The following ABCA1 variants were observed in gnomAD, a reference collection of about 807,000 sequenced individuals.
ABCA1 encodes phospholipid-transporting ATPase ABCA1.
ABCA1 carries 133 observed loss-of-function variants against 262.5 expected under a neutral mutation model. The observed-to-expected ratio is 0.51, with a 90% confidence interval of 0.44 to 0.59. The LOEUF is 0.59. Among genes scored for constraint, ABCA1 ranks in the 20% least tolerant of loss-of-function variants. ABCA1 has a pLI of 0.00. For missense variants in ABCA1, 2,452 were observed against 2,777.5 expected (o/e 0.88, Z 2.63); for synonymous variants, 1,022 against 1,043.5 (o/e 0.98, Z 0.40).
intron 1 of ABCA1, among the ~76,000 whole-genome samples, chr9:104,909,343 G>C (rs1194804232): frequency 6.6e-6 from 1 of 152,126 alleles, no homozygotes; most frequent in African/African-American, 2.4e-5. Context: ...ACAAATAATA[G>C]TGGGTTGTTC....
At chr9:104,849,878 G>A (rs966991021) in intron 7 of ABCA1, among the ~76,000 whole-genome samples, 1 of 152,102 alleles carries the variant, frequency 6.6e-6, no homozygotes, top group African/African-American at 2.4e-5. Context: ...TGAAGTGGCA[G>A]GCCAATATGC....
In ABCA1 at chr9:104,822,643, T is replaced by A. The variant is rs1200755370; in HGVS notation, c.2681A>T (p.His894Leu). Residue 894 changes from histidine (H) to leucine (L), a missense_variant, in exon 19 of 50, where the codon CAC (histidine) becomes CTC (leucine). Transcript: ENST00000374736. ...CTGAATGGACACGCCCAGCTTCAAG[T>A]GGGTGGGTTCCTCCTCCATGCAGAC... is the stretch of plus-strand genomic sequence containing the variant. ...SEICMEEEPTHLKLGVSIQNL... is the reference protein window; with the variant it reads ...SEICMEEEPTLLKLGVSIQNL... The A allele has an allele frequency of 6.2e-7, 1 of 1,614,080 alleles. No homozygotes were observed. The highest frequency in any genetic ancestry group is 8.5e-7 in the Non-Finnish European group (1 of 1,180,012).
At chr9:104,885,224 G>A (rs559756808) in intron 3 of ABCA1, among the ~76,000 whole-genome samples, 4 of 152,220 alleles carry the variant, frequency 2.6e-5, no homozygotes, top group African/African-American at 9.6e-5. Flanking sequence ...CGACAAGAGC[G>A]AAACTCCATT....
In ABCA1 at chr9:104,792,909, T is replaced by TG. The variant is rs143321497; in HGVS notation, c.5637-4dup. 1 of 1,614,002 alleles carries TG rather than the reference T, an allele frequency of 6.2e-7. No individual in the cohort carries two copies. Among genetic ancestry groups the TG allele is most frequent in the Non-Finnish European group, 8.5e-7 (1 of 1,179,980 alleles). Reference sequence around the variant, plus strand: ...GAGATAGCTTTGCATTTACAGGTCTTGGGGGAAAAAACAAGAAAAATGAAC... The same window carrying TG: ...GAGATAGCTTTGCATTTACAGGTCTTGGGGGGAAAAAACAAGAAAAATGAAC... On this transcript the variant is annotated splice_region_variant and splice_polypyrimidine_tract_variant and intron_variant, in intron 41 of 49. Transcript: ENST00000374736.
At chr9:104,909,607 TACACACACACACACACACACACAC>T (rs59524252) in intron 1 of ABCA1, among the ~76,000 whole-genome samples, 3 of 133,954 alleles carry the variant, frequency 2.2e-5, no homozygotes, top group Non-Finnish European at 4.8e-5. Context: ...GCAAAAGAAA[TACACACACACACACACACACACAC>T]ACACACACAC....
chr9:104,801,929 G>A (rs184913223), intron 34 of ABCA1, 125 bp downstream of exon 34: 9 of 876,978 alleles, frequency 1.0e-5, no homozygotes, highest in Admixed American at 5.9e-5. Flanking sequence ...TGCCAAAGAC[G>A]GCTCTGTATG....
At chr9:104,824,820 ACTGAGGGATAAGGAGCCTAT>A (rs1218683270) in intron 17 of ABCA1, among the ~76,000 whole-genome samples, 1 of 152,208 alleles carries the variant, frequency 6.6e-6, no homozygotes, top group African/African-American at 2.4e-5. Context: ...AGATGAGGAA[ACTGAGGGATAAGGAGCCTAT>A]CCAAGGTCCC....
intron 41 of ABCA1, 59 bp from the exon 42 acceptor site, chr9:104,792,965 A>C (rs561839653): frequency 1.2e-6 from 2 of 1,611,562 alleles, no homozygotes; most frequent in Admixed American, 3.3e-5. Flanking sequence ...ACAAAGATTC[A>C]GTCTCTAACG....
At chr9:104,820,185 A>G in intron 20 of ABCA1, 116 bp from the exon 21 acceptor site, 1 of 1,321,824 alleles carries the variant, frequency 7.6e-7, no homozygotes, top group South Asian at 1.2e-5. Flanking sequence ...GCTTTTTAAA[A>G]TAACTTTATC....
At chr9:104,904,203 A>G (rs1324726899) in intron 1 of ABCA1, among the ~76,000 whole-genome samples, 1 of 152,158 alleles carries the variant, frequency 6.6e-6, no homozygotes, top group African/African-American at 2.4e-5. Context: ...GCCTGGAGTG[A>G]CTTATACTAT....
intron 47 of ABCA1, 141 bp from the exon 48 acceptor site, chr9:104,786,531 C>A: frequency 1.3e-6 from 1 of 792,216 alleles, no homozygotes; most frequent in Non-Finnish European, 2.2e-6. Flanking sequence ...TGATGCTGTT[C>A]AGTGTAGTGG....
At chr9:104,867,248 G>A (rs570810474) in intron 5 of ABCA1, among the ~76,000 whole-genome samples, 1 of 152,306 alleles carries the variant, frequency 6.6e-6, no homozygotes, top group East Asian at 1.9e-4. Context: ...GAGGAAGGCT[G>A]AGTTGATTAA....
chr9:104,856,056 C>T, intron 7 of ABCA1: 3 of 1,608,836 alleles, frequency 1.9e-6, no homozygotes, highest in Non-Finnish European at 1.7e-6. Context: ...CAGTTAACTG[C>T]CCATGTGCAA....
Position 104,829,075 on chromosome 9 carries a change from C to T in ABCA1, c.1956G>A (p.Val652=), listed in dbSNP as rs1264804548. ...ACACGATGCCCTTGATGATCACAGC[C>T]ACTGAGTAAATCCAGGCCAGCGTCA... ...LFMTLAWIYS[V]AVIIKGIVYE... Residue 652 remains valine (V), a synonymous_variant, in exon 15 of 50, where the codon GTG becomes GTA. Coordinates refer to ENST00000374736, the MANE Select transcript of ABCA1 (RefSeq NM_005502.4). 6.2e-7 allele frequency: 1 copy of T among 1,614,204 alleles called. No individual in the cohort carries two copies. The highest frequency in any genetic ancestry group is 8.5e-7 in the Non-Finnish European group (1 of 1,180,040).
At chr9:104,887,815 C>T (rs1339734226) in intron 3 of ABCA1, among the ~76,000 whole-genome samples, 1 of 149,460 alleles carries the variant, frequency 6.7e-6, no homozygotes, top group East Asian at 2.0e-4. Context: ...CAACCTCAGC[C>T]TCGCAGGTTG....
intron 7 of ABCA1, chr9:104,855,562 A>G: frequency 9.0e-7 from 1 of 1,106,962 alleles, no homozygotes. Context: ...TACTCATGTC[A>G]ATTAAATTAT....
chr9:104,859,882 C>T (rs925272961), intron 6 of ABCA1, among the ~76,000 whole-genome samples: 1 of 151,974 alleles, frequency 6.6e-6, no homozygotes, highest in African/African-American at 2.4e-5. Flanking sequence ...TGGTGAAACC[C>T]CGTCTCTACT....
intron 5 of ABCA1, among the ~76,000 whole-genome samples, chr9:104,869,068 G>C (rs567897050): frequency 2.8e-3 from 430 of 152,194 alleles, no homozygotes; most frequent in African/African-American, 9.6e-3. Flanking sequence ...GAGCAGCTCA[G>C]GAAGGCGGAG....
chr9:104,903,465 AC>A, intron 2 of ABCA1, 148 bp downstream of exon 2: 1 of 850,628 alleles, frequency 1.2e-6, no homozygotes, highest in Non-Finnish European at 1.9e-6. Flanking sequence ...TCCGGACCAC[AC>A]AGTCCTGTGT....
Sources: allele counts gnomAD v4.1 joint callset (sites outside exome capture counted in the v4.1 genomes callset), GRCh38; gene constraint gnomAD v4.1.1; transcripts MANE v1.5; gene names NCBI Gene and HGNC (gene_info 2026-07-23, HGNC 2026-07-21).